Variants in RRAS2 observed in about 807,000 individuals in gnomAD.
RRAS2 encodes the protein ras-related protein R-Ras2.
A neutral mutation model predicts 27.6 loss-of-function variants in RRAS2; 7 were observed. The observed-to-expected ratio is 0.25, with a 90% CI of 0.14 to 0.48. The LOEUF (loss-of-function observed/expected upper bound fraction) is 0.48. RRAS2 is among the 20% of genes least tolerant of loss of function. The pLI, the probability that RRAS2 is intolerant of heterozygous loss-of-function variation, is 0.99. For synonymous variants in RRAS2, 86 were observed against 90.9 expected, an observed-to-expected ratio of 0.95 and a Z score of 0.31; for missense variants, 178 against 256.2, an observed-to-expected ratio of 0.69 and a Z score of 2.08.
chr11:14,278,590 G>C lies in RRAS2; in HGVS notation c.*747C>G, dbSNP rs1318365629. On this transcript the variant is annotated 3_prime_UTR_variant, in exon 6 of 6. Coordinates refer to ENST00000256196, the MANE Select transcript of RRAS2 (RefSeq NM_012250.6). ...CCCTTACCCAGAAATACTTGAAAAGGAAGACAGAAGGAAATTATTCCTTTT... is the reference window on the plus strand; with the variant it reads ...CCCTTACCCAGAAATACTTGAAAAGCAAGACAGAAGGAAATTATTCCTTTT... The C allele has an allele frequency of 6.6e-6, 1 of 152,152 alleles. No homozygotes were observed. The highest frequency in any genetic ancestry group is 1.5e-5 in the Non-Finnish European group (1 of 68,020). 9.4% of individuals were successfully genotyped at this position (152,152 alleles called of 1,614,324 possible).
intron 1 of RRAS2, among the ~76,000 whole-genome samples, chr11:14,356,973 A>G (rs768497526): frequency 6.6e-6 from 1 of 151,906 alleles, no homozygotes; most frequent in South Asian, 2.1e-4. Context: ...TTTTTAGTAG[A>G]GACGGGGTTT....
Position 14,294,493 on chromosome 11 carries a change from G to A in RRAS2, c.386C>T (p.Ala129Val). The change falls in exon 4 of 6, where the codon GCA becomes GTA. Residue 129 changes from alanine (A) to valine (V), a missense_variant. Transcript: ENST00000256196. ...CACCTGTCTTTGATGATCCAGATCT[G>A]CTTTATTACCAATTAAAATCATTGG... ...EFPMILIGNKADLDHQRQVTQ... is the reference protein window; with the variant it reads ...EFPMILIGNKVDLDHQRQVTQ... 6.3e-7 allele frequency: 1 copy of A among 1,592,772 alleles called. No homozygotes were observed. Among genetic ancestry groups the A allele is most frequent in the East Asian group, 2.2e-5 (1 of 44,698 alleles).
chr11:14,359,076 G>A lies in RRAS2; in HGVS notation c.-206C>T, dbSNP rs1431493836. 1.9e-5 allele frequency: 21 copies of A among 1,093,674 alleles called. No individual in the cohort carries two copies. The highest frequency in any genetic ancestry group is 2.3e-5 in the Non-Finnish European group (21 of 900,486). The allele number at this position is 1,093,674 out of a possible 1,614,324, so 67.7% of individuals were successfully genotyped here. A position where few individuals can be genotyped will look rare whatever the true frequency, so the allele number is the denominator to read the frequency against. ...GTACCGCCCGAGGCGCGGAGAAGCG[G>A]GGTGACGGCACGGGCCAGGGGCGGC... On this transcript the variant is annotated 5_prime_UTR_variant, in exon 1 of 6. Coordinates refer to ENST00000256196, the MANE Select transcript of RRAS2 (RefSeq NM_012250.6).
At chr11:14,343,393 G>A (rs1848758478) in intron 1 of RRAS2, among the ~76,000 whole-genome samples, 1 of 152,136 alleles carries the variant, frequency 6.6e-6, no homozygotes, top group Admixed American at 6.5e-5. Flanking sequence ...ACTTAAATTT[G>A]AATTACTAAT....
intron 1 of RRAS2, among the ~76,000 whole-genome samples, chr11:14,329,072 C>CAT (rs782722573): frequency 1.5e-5 from 1 of 67,164 alleles, no homozygotes; most frequent in African/African-American, 3.3e-5. Flanking sequence ...TATACATACA[C>CAT]ACACACACAC....
chr11:14,298,609 A>G (rs1223283466), intron 1 of RRAS2, among the ~76,000 whole-genome samples: 1 of 152,174 alleles, frequency 6.6e-6, no homozygotes, highest in Non-Finnish European at 1.5e-5. Flanking sequence ...AGACAAATTC[A>G]TTGTTGGGAT....
At position 14,323,980 on chromosome 11, in the gene RRAS2, T is replaced by TTA. The variant is rs1564971493; in HGVS notation, c.109-28126_109-28125insTA. ...GGATAAGAAAATGTCACATTTGTCT[T>TTA]AAAAAAAAAAAAACTATAGCAAACA... On this transcript the variant is annotated intron_variant, in intron 1 of 5. Coordinates refer to ENST00000256196, the MANE Select transcript of RRAS2 (RefSeq NM_012250.6). 1.3e-4 allele frequency among the ~76,000 whole-genome samples: 19 copies of TTA among 145,738 alleles called. No individual in the cohort carries two copies. The South Asian group carries it at 4.1e-3, about 31-fold the overall frequency.
intron 1 of RRAS2, among the ~76,000 whole-genome samples, chr11:14,329,036 C>T (rs560186876): frequency 6.8e-6 from 1 of 147,104 alleles, no homozygotes; most frequent in East Asian, 2.0e-4. Context: ...TATACACACA[C>T]ACATATATAT....
intron 1 of RRAS2, among the ~76,000 whole-genome samples, chr11:14,310,899 GGACA>G (rs1847949189): frequency 6.6e-6 from 1 of 152,122 alleles, no homozygotes. Context: ...TGCATGCAAT[GGACA>G]GACAGGTTCT....
At chr11:14,339,963 C>T (rs1848667065) in intron 1 of RRAS2, among the ~76,000 whole-genome samples, 1 of 151,496 alleles carries the variant, frequency 6.6e-6, no homozygotes, top group African/African-American at 2.4e-5. Context: ...AGAACACACA[C>T]AAAAAAATAG....
chr11:14,329,197 C>T (rs1320660973), intron 1 of RRAS2, among the ~76,000 whole-genome samples: 1 of 151,880 alleles, frequency 6.6e-6, no homozygotes, highest in Admixed American at 6.5e-5. Flanking sequence ...TGCAACCTCC[C>T]TTCGCCTCCC....
chr11:14,355,500 T>A (rs1849052992), intron 1 of RRAS2, among the ~76,000 whole-genome samples: 1 of 152,232 alleles, frequency 6.6e-6, no homozygotes, highest in Admixed American at 6.5e-5. Context: ...TTACATTTTA[T>A]CATGGCTACT....
rs1848909956 is a variant in RRAS2, at chr11:14,349,617, T to G, written c.108+9146A>C. On this transcript the variant is annotated intron_variant, in intron 1 of 5. Transcript: ENST00000256196. ...CCATTTTCCACAATATATTTACTTATTTGCTTATAACAGTATAGACAATTG... is the reference window on the plus strand; with the variant it reads ...CCATTTTCCACAATATATTTACTTAGTTGCTTATAACAGTATAGACAATTG... Among the ~76,000 whole-genome samples the G allele has an allele frequency of 2.0e-5, 3 of 152,334 alleles. No homozygotes were observed. In the South Asian group the frequency reaches 6.2e-4, roughly 32 times the overall value.
intron 1 of RRAS2, among the ~76,000 whole-genome samples, chr11:14,301,996 T>A (rs1045993033): frequency 2.7e-5 from 4 of 150,652 alleles, no homozygotes; most frequent in Non-Finnish European, 5.9e-5. Flanking sequence ...TTAAAATAAA[T>A]AAATAAAATT....
At position 14,324,298 on chromosome 11, in the gene RRAS2, G is replaced by C. The variant is rs575383957; in HGVS notation, c.109-28443C>G. Among the ~76,000 whole-genome samples the C allele has an allele frequency of 2.6e-5, 4 of 151,646 alleles. No homozygotes were observed. In the South Asian group the frequency reaches 8.3e-4, roughly 32 times the overall value. ...ATACCACTTCTGTATAAAGCTATTA[G>C]AAAGCTTAAGTCAAATAAAAGACAC... is the stretch of plus-strand genomic sequence containing the variant. On this transcript the variant is annotated intron_variant, in intron 1 of 5. Coordinates refer to ENST00000256196, the MANE Select transcript of RRAS2 (RefSeq NM_012250.6).
intron 1 of RRAS2, among the ~76,000 whole-genome samples, chr11:14,333,618 A>G (rs1848526451): frequency 1.3e-5 from 2 of 151,886 alleles, no homozygotes; most frequent in African/African-American, 4.8e-5. Context: ...ATCTGTTTTC[A>G]TTTTATAATC....
At position 14,358,897 on chromosome 11, in the gene RRAS2, T is replaced by C; in HGVS notation, c.-27A>G. The C allele has an allele frequency of 2.2e-6, 3 of 1,351,058 alleles. No homozygotes were observed. The highest frequency in any genetic ancestry group is 2.9e-6 in the Non-Finnish European group (3 of 1,039,834). The allele number at this position is 1,351,058 out of a possible 1,614,324, so 83.7% of individuals were successfully genotyped here. ...GGGACGCTACAGAGCCCAGCCTGAC[T>C]GCGCCGAGCCGCCGCTGCCGCCCGC... On this transcript the variant is annotated 5_prime_UTR_variant, in exon 1 of 6. Transcript: ENST00000256196. The surrounding 1 kb of genome is among the most constrained non-coding windows in gnomAD (Gnocchi z 5.1).
chr11:14,346,581 T>C (rs924062830), intron 1 of RRAS2, among the ~76,000 whole-genome samples: 19 of 152,322 alleles, frequency 1.2e-4, no homozygotes, highest in African/African-American at 4.6e-4. Context: ...CATGCAAAAG[T>C]AAATTTAATC....
chr11:14,336,743 G>A (rs1338572414), intron 1 of RRAS2, among the ~76,000 whole-genome samples: 1 of 152,126 alleles, frequency 6.6e-6, no homozygotes, highest in African/African-American at 2.4e-5. Flanking sequence ...TAGCCTTTGG[G>A]AATGTTACAA....
Sources: allele counts gnomAD v4.1 joint callset (sites outside exome capture counted in the v4.1 genomes callset), GRCh38; gene constraint gnomAD v4.1.1; non-coding constraint Gnocchi (gnomAD v3.1); transcripts MANE v1.5; gene names NCBI Gene and HGNC (gene_info 2026-07-23, HGNC 2026-07-21).